ARHGAP31: variants seen among roughly 807,000 people sequenced by gnomAD.
ARHGAP31 encodes the protein Rho GTPase activating protein 31.
ARHGAP31 carries 34 observed loss-of-function variants against 113.9 expected under a neutral mutation model. The observed-to-expected ratio is 0.30, with a 90% CI of 0.23 to 0.40. The LOEUF is 0.40. ARHGAP31 is among the 10% of genes least tolerant of loss of function. ARHGAP31 has a pLI of 1.00. For missense variants in ARHGAP31, 1,548 were observed against 1,767.1 expected, an observed-to-expected ratio of 0.88 and a Z score of 2.22; for synonymous variants, 650 against 684.8, an observed-to-expected ratio of 0.95 and a Z score of 0.79.
intron 1 of ARHGAP31, among the ~76,000 whole-genome samples, chr3:119,318,992 A>G (rs1052757840): frequency 2.0e-5 from 3 of 152,108 alleles, no homozygotes; most frequent in East Asian, 1.9e-4. Flanking sequence ...AAAATAAGCA[A>G]CGCTGCTGGT....
intron 1 of ARHGAP31, chr3:119,329,700 C>T (rs1289015229): frequency 1.8e-5 from 13 of 726,778 alleles, no homozygotes; most frequent in Non-Finnish European, 2.2e-5. Context: ...TGGGGAACTT[C>T]GAAACAGGAC....
chr3:119,299,878 T>G (rs943680610), intron 1 of ARHGAP31, among the ~76,000 whole-genome samples: 2 of 152,250 alleles, frequency 1.3e-5, no homozygotes, highest in Admixed American at 6.5e-5. Flanking sequence ...CAAGAAAAGA[T>G]TTAACCTTGA....
At position 119,381,006 on chromosome 3, in the gene ARHGAP31, G is replaced by T. The variant is rs1490655972; in HGVS notation, c.431+20G>T. ...CTATAGGTAAGAATGGTTGGGAAAAGAAACGTGTGGCCTCTCAATGCAGTG... is the reference window on the plus strand; with the variant it reads ...CTATAGGTAAGAATGGTTGGGAAAATAAACGTGTGGCCTCTCAATGCAGTG... On this transcript the variant is annotated intron_variant, in intron 4 of 11. Coordinates refer to ENST00000264245, the MANE Select transcript of ARHGAP31 (RefSeq NM_020754.4). 3 of 1,602,592 alleles carry T rather than the reference G, an allele frequency of 1.9e-6. No individual in the cohort carries two copies. The highest frequency in any genetic ancestry group is 2.6e-6 in the Non-Finnish European group (3 of 1,169,640).
intron 1 of ARHGAP31, among the ~76,000 whole-genome samples, chr3:119,326,331 G>A (rs1315142914): frequency 6.6e-6 from 1 of 152,136 alleles, no homozygotes; most frequent in South Asian, 2.1e-4. Context: ...TTAAAATTAG[G>A]GTCTGGTACA....
Position 119,294,999 on chromosome 3 carries a change from A to G in ARHGAP31, c.95A>G (p.Gln32Arg), listed in dbSNP as rs746760346. ...ACGGAGTATCTGGAAAGCTCGGGAC[A>G]GGATGGTAATGTGCCTTGGCCTTTC... ...DLTEYLESSG[Q>R]DVPYVLKSCA... Residue 32 changes from glutamine (Q) to arginine (R), a missense_variant, in exon 1 of 12, where the codon CAG (glutamine) becomes CGG (arginine). Physicochemically the swap from Gln to Arg is conservative, Grantham distance 43. Transcript: ENST00000264245. 1 of 1,614,174 alleles carries G rather than the reference A, an allele frequency of 6.2e-7. No individual in the cohort carries two copies. The highest frequency in any genetic ancestry group is 8.5e-7 in the Non-Finnish European group (1 of 1,180,026).
At chr3:119,342,486 C>G (rs991286729) in intron 1 of ARHGAP31, among the ~76,000 whole-genome samples, 1 of 152,154 alleles carries the variant, frequency 6.6e-6, no homozygotes, top group African/African-American at 2.4e-5. Flanking sequence ...TGGGACCAAC[C>G]AGAGGCTGTG....
At chr3:119,395,262 G>A (rs1223044157) in intron 8 of ARHGAP31, among the ~76,000 whole-genome samples, 1 of 152,206 alleles carries the variant, frequency 6.6e-6, no homozygotes, top group Non-Finnish European at 1.5e-5. Context: ...AGAGTAAGGA[G>A]GGGTGTCACA....
intron 1 of ARHGAP31, among the ~76,000 whole-genome samples, chr3:119,319,229 A>T (rs905085634): frequency 1.4e-5 from 2 of 138,108 alleles, no homozygotes; most frequent in East Asian, 2.1e-4. Context: ...ATCATATATT[A>T]AAAAAAAAAA....
At chr3:119,411,883 C>T (rs565604260) in intron 11 of ARHGAP31, among the ~76,000 whole-genome samples, 6 of 152,136 alleles carry the variant, frequency 3.9e-5, no homozygotes, top group Non-Finnish European at 7.4e-5. Flanking sequence ...TGAATAAACA[C>T]AATCCTGACC....
chr3:119,381,821 C>A (rs541955356), intron 4 of ARHGAP31, among the ~76,000 whole-genome samples: 2 of 152,140 alleles, frequency 1.3e-5, no homozygotes, highest in Admixed American at 1.3e-4. Context: ...CCCGTCTCTA[C>A]CAAAAATACA....
At chr3:119,301,293 A>G (rs1205857189) in intron 1 of ARHGAP31, among the ~76,000 whole-genome samples, 1 of 152,162 alleles carries the variant, frequency 6.6e-6, no homozygotes, top group Admixed American at 6.5e-5. Flanking sequence ...GGGGCTGCTA[A>G]GGAAGCCCAC....
intron 1 of ARHGAP31, among the ~76,000 whole-genome samples, chr3:119,297,940 ACAC>A (rs1397308935): frequency 6.6e-6 from 1 of 151,220 alleles, no homozygotes; most frequent in Non-Finnish European, 1.5e-5. Flanking sequence ...ACACACACAC[ACAC>A]ACCGTGTATG....
At chr3:119,356,597 C>T (rs999096916) in intron 1 of ARHGAP31, among the ~76,000 whole-genome samples, 12 of 151,600 alleles carry the variant, frequency 7.9e-5, no homozygotes, top group Non-Finnish European at 1.6e-4. Flanking sequence ...TGCTACTGCA[C>T]CCCAGCCTGG....
intron 8 of ARHGAP31, 96 bp downstream of exon 8, chr3:119,393,687 T>C (rs1226319252): frequency 6.7e-7 from 1 of 1,485,400 alleles, no homozygotes; most frequent in Non-Finnish European, 9.3e-7. Context: ...ACACTAGCTC[T>C]GAAAGAGAAA....
chr3:119,383,777 G>A (rs1158898424), intron 6 of ARHGAP31, among the ~76,000 whole-genome samples: 1 of 152,202 alleles, frequency 6.6e-6, no homozygotes, highest in Non-Finnish European at 1.5e-5. Context: ...AAATGATTGT[G>A]TTTGTGGGCA....
chr3:119,402,202 C>G lies in ARHGAP31; in HGVS notation c.1450C>G (p.Leu484Val), dbSNP rs2080617049. ...EPSPRNQRKALNISEPFAVSV... is the reference protein window; with the variant it reads ...EPSPRNQRKAVNISEPFAVSV... ...CTCGCCGCGTAACCAGCGCAAGGCG[C>G]TGAACATCTCCGAGCCCTTTGCGGT... The change falls in exon 10 of 12, where the codon CTG becomes GTG. Residue 484 changes from leucine to valine, a missense_variant. Coordinates refer to ENST00000264245, the MANE Select transcript of ARHGAP31 (RefSeq NM_020754.4). 1 of 1,614,308 alleles carries G rather than the reference C, an allele frequency of 6.2e-7. No individual in the cohort carries two copies. The highest frequency in any genetic ancestry group is 8.5e-7 in the Non-Finnish European group (1 of 1,180,060).
rs1160988142 is a variant in ARHGAP31 at position 119,417,723 on chromosome 3, T to C, written c.*1459T>C. The C allele has an allele frequency of 1.3e-5, 2 of 152,080 alleles. No homozygotes were observed. The highest frequency in any genetic ancestry group is 4.8e-5 in the African/African-American group (2 of 41,422). The allele number at this position is 152,080 out of a possible 1,614,324, so 9.4% of individuals were successfully genotyped here. A position where few individuals can be genotyped will look rare whatever the true frequency, so the allele number is the denominator to read the frequency against. Reference sequence around the variant, plus strand: ...ACCAATCTGATTTTCTTTTCAATTATTTATAACTTTCAATGGTTCTTTCCT... The same window carrying C: ...ACCAATCTGATTTTCTTTTCAATTACTTATAACTTTCAATGGTTCTTTCCT... On this transcript the variant is annotated 3_prime_UTR_variant, in exon 12 of 12. Coordinates refer to ENST00000264245, the MANE Select transcript of ARHGAP31 (RefSeq NM_020754.4).
rs148822409 is a variant in ARHGAP31 at position 119,372,866 on chromosome 3, C to G, written c.348+4350C>G. ...AGTAGGTGGAGGTAAAGATGTAGTT[C>G]TGTCTCATAACTCCCACACTACTTG... On this transcript the variant is annotated intron_variant, in intron 3 of 11. Transcript: ENST00000264245. Among the ~76,000 whole-genome samples the G allele has an allele frequency of 8.9e-4, 136 of 152,300 alleles. 2 individuals carry two copies. In the East Asian group the frequency reaches 0.021, roughly 24 times the overall value.
chr3:119,406,249 G>A (rs931878375), intron 10 of ARHGAP31, among the ~76,000 whole-genome samples: 7 of 152,114 alleles, frequency 4.6e-5, no homozygotes, highest in Non-Finnish European at 1.0e-4. Flanking sequence ...TCAAACAGGA[G>A]TCCATATTAA....
Sources: allele counts gnomAD v4.1 joint callset (sites outside exome capture counted in the v4.1 genomes callset), GRCh38; gene constraint gnomAD v4.1.1; transcripts MANE v1.5; gene names NCBI Gene and HGNC (gene_info 2026-07-23, HGNC 2026-07-21).